The following NFE2L1 variants were observed in gnomAD, a reference collection of about 807,000 sequenced individuals.
NFE2L1 encodes NFE2 like bZIP transcription factor 1.
A neutral mutation model predicts 61.6 loss-of-function variants in NFE2L1; 18 were observed. The ratio of observed to expected loss-of-function variants is 0.29; its 90% CI spans 0.20 to 0.43. The LOEUF (loss-of-function observed/expected upper bound fraction) is 0.43. NFE2L1 is among the 20% of genes least tolerant of loss of function. NFE2L1 has a pLI of 1.00. For synonymous variants in NFE2L1, 419 were observed against 402.7 expected, an observed-to-expected ratio of 1.04 and a Z score of -0.48; for missense variants, 827 against 973.5, an observed-to-expected ratio of 0.85 and a Z score of 2.00.
chr17:48,059,869 C>T lies in NFE2L1; in HGVS notation c.*228C>T. Reference sequence around the variant, plus strand: ...AGACCATTTAGACGGACAGGGTCCTCACCCTACCCCTTTCCTGTGAGGCAG... The same window carrying T: ...AGACCATTTAGACGGACAGGGTCCTTACCCTACCCCTTTCCTGTGAGGCAG... On this transcript the variant is annotated 3_prime_UTR_variant, in exon 6 of 6. Coordinates refer to ENST00000362042, the MANE Select transcript of NFE2L1 (RefSeq NM_003204.3). This position sits in a 1 kb window ranked among gnomAD's most constrained non-coding sequence, Gnocchi z 6.1. 1 of 556,550 alleles carries T rather than the reference C, an allele frequency of 1.8e-6. No homozygotes were observed. Among genetic ancestry groups the T allele is most frequent in the South Asian group, 3.5e-5 (1 of 28,200 alleles). 34.5% of individuals were successfully genotyped at this position (556,550 alleles called of 1,614,324 possible). A position where few individuals can be genotyped will look rare whatever the true frequency, so the allele number is the denominator to read the frequency against.
At position 48,058,899 on chromosome 17, in the gene NFE2L1, A is replaced by G. The variant is rs2037475912; in HGVS notation, c.1577A>G (p.Tyr526Cys). The change falls in exon 6 of 6, where the codon TAC becomes TGC. Residue 526 changes from tyrosine (Y) to cysteine (C), a missense_variant. By Grantham distance (194) the Tyr-to-Cys change is radical. This residue lies in a region of NFE2L1 where 667 missense variants were observed against 748.4 expected (regional missense o/e 0.89). Transcript: ENST00000362042. ...SSFSEEGAVGYSSDSETLDLE... is the reference protein window; with the variant it reads ...SSFSEEGAVGCSSDSETLDLE... ...TTTTCTGAGGAAGGTGCGGTTGGCT[A>G]CAGCTCTGACTCTGAGACCCTGGAT... 1 of 1,613,698 alleles carries G rather than the reference A, an allele frequency of 6.2e-7. No individual in the cohort carries two copies.
intron 2 of NFE2L1, chr17:48,056,084 G>A (rs949311144): frequency 2.0e-5 from 7 of 343,110 alleles, no homozygotes; most frequent in Admixed American, 8.7e-5. Flanking sequence ...GGGGGGAGGC[G>A]GCCCTGCCTT....
Position 48,056,411 on chromosome 17 carries a change from G to T in NFE2L1, c.536G>T (p.Trp179Leu). The T allele has an allele frequency of 6.2e-7, 1 of 1,614,178 alleles. No homozygotes were observed. The highest frequency in any genetic ancestry group is 8.5e-7 in the Non-Finnish European group (1 of 1,180,034). ...KEDIDLIDIL[W>L]RQDIDLGAGR... Reference sequence around the variant, plus strand: ...GACATAGATCTGATTGACATCCTTTGGCGACAGGATATTGATCTGGGGGCT... The same window carrying T: ...GACATAGATCTGATTGACATCCTTTTGCGACAGGATATTGATCTGGGGGCT... Residue 179 changes from tryptophan (W) to leucine (L), a missense_variant, in exon 3 of 6, where the codon TGG becomes TTG. Around this residue, in one of 3 missense-constraint regions of NFE2L1, gnomAD observed 667 missense variants for 748.4 expected, o/e 0.89. Coordinates refer to ENST00000362042, the MANE Select transcript of NFE2L1 (RefSeq NM_003204.3).
chr17:48,058,048 G>C (rs1259902828), intron 5 of NFE2L1, among the ~76,000 whole-genome samples: 1 of 152,176 alleles, frequency 6.6e-6, no homozygotes, highest in Non-Finnish European at 1.5e-5. Flanking sequence ...CTCCAAGATG[G>C]GGGAGTCTGG....
rs2037457837 is a variant in NFE2L1, at chr17:48,058,419, C to T, written c.1097C>T (p.Ala366Val). 4.3e-6 allele frequency: 7 copies of T among 1,614,090 alleles called. No individual in the cohort carries two copies. Among genetic ancestry groups the T allele is most frequent in the Admixed American group, 1.7e-5 (1 of 60,002 alleles). The change falls in exon 6 of 6, where the codon GCG becomes GTG. Residue 366 changes from alanine (A) to valine (V), a missense_variant. Transcript: ENST00000362042. Reference sequence around the variant, plus strand: ...AATCAGAATGTCAGCCTGCATCAGGCGTCCCTGGGGGGCTGCAGCCAGGAC... The same window carrying T: ...AATCAGAATGTCAGCCTGCATCAGGTGTCCCTGGGGGGCTGCAGCCAGGAC... ...PINQNVSLHQ[A>V]SLGGCSQDFL...
Position 48,059,518 on chromosome 17 carries a change from C to T in NFE2L1, c.2196C>T (p.Pro732=), listed in dbSNP as rs1402161208. Residue 732 remains proline, a synonymous_variant, in exon 6 of 6, where the codon CCC becomes CCT. Transcript: ENST00000362042. This position sits in a 1 kb window ranked among gnomAD's most constrained non-coding sequence, Gnocchi z 6.1. ...GGCTGCGAGATGAGAACGGACGACC[C>T]TACTCGCCCAGTCAGTATGCGCTCC... is the stretch of plus-strand genomic sequence containing the variant. ...FGRLRDENGR[P]YSPSQYALQY... is the part of the protein sequence containing the mutation. 6.2e-7 allele frequency: 1 copy of T among 1,613,886 alleles called. No individual in the cohort carries two copies. The highest frequency in any genetic ancestry group is 2.2e-5 in the East Asian group (1 of 44,876).
chr17:48,058,840 T>C lies in NFE2L1; in HGVS notation c.1518T>C (p.Ser506=), dbSNP rs539093913. Residue 506 remains serine (S), a synonymous_variant, in exon 6 of 6, where the codon TCT becomes TCC. Coordinates refer to ENST00000362042, the MANE Select transcript of NFE2L1 (RefSeq NM_003204.3). ...CCTCTTCTTCCTCCTCCTCTTCCTCTTCTTCCTCTGCTTCTTCCTCTGCCT... is the reference window on the plus strand; with the variant it reads ...CCTCTTCTTCCTCCTCCTCTTCCTCCTCTTCCTCTGCTTCTTCCTCTGCCT... ...SSSSSSSSSS[S]SSSASSSASS... 4 of 1,613,580 alleles carry C rather than the reference T, an allele frequency of 2.5e-6. No homozygotes were observed. Among genetic ancestry groups the C allele is most frequent in the African/African-American group, 1.3e-5 (1 of 74,886 alleles).
At chr17:48,054,977 G>C (rs1467588715) in intron 2 of NFE2L1, 1 of 1,486,302 alleles carries the variant, frequency 6.7e-7, no homozygotes, top group Non-Finnish European at 8.9e-7. Context: ...CCCCCTGTCC[G>C]GCTTCCCGGC....
rs1280488032 is a variant in NFE2L1, at chr17:48,059,111, A to G, written c.1789A>G (p.Lys597Glu). Reference sequence around the variant, plus strand: ...CCTGCCACCACCCAGTGCCCTCAAGAAAGGCAGCAAGGAGAAGCAGGCTGA... The same window carrying G: ...CCTGCCACCACCCAGTGCCCTCAAGGAAGGCAGCAAGGAGAAGCAGGCTGA... The part of the protein sequence containing the change: ...ADLPPPSALK[K>E]GSKEKQADFL... Residue 597 changes from lysine (K) to glutamate (E), a missense_variant, in exon 6 of 6, where the codon AAA becomes GAA. By Grantham distance (56) the Lys-to-Glu change is moderately conservative. Transcript: ENST00000362042. This position sits in a 1 kb window ranked among gnomAD's most constrained non-coding sequence, Gnocchi z 6.1. 1.9e-5 allele frequency: 30 copies of G among 1,613,972 alleles called. No homozygotes were observed. The highest frequency in any genetic ancestry group is 2.5e-5 in the Non-Finnish European group (30 of 1,180,030).
At chr17:48,050,485 A>T in intron 1 of NFE2L1, 122 bp from the exon 2 acceptor site, 1 of 394,564 alleles carries the variant, frequency 2.5e-6, no homozygotes, top group Non-Finnish European at 4.5e-6. Context: ...TCTCAAAAAA[A>T]AAAAAAGTGA....
At chr17:48,048,912 A>G (rs1158799454) in intron 1 of NFE2L1, 2 of 152,582 alleles carry the variant, frequency 1.3e-5, no homozygotes, top group East Asian at 1.9e-4. Context: ...CCCTGCACCT[A>G]CTTGATTTTT....
chr17:48,049,695 C>G (rs1222630834), intron 1 of NFE2L1, among the ~76,000 whole-genome samples: 1 of 151,892 alleles, frequency 6.6e-6, no homozygotes, highest in Non-Finnish European at 1.5e-5. Context: ...CCTTTTTTTT[C>G]TTTTGTAAGT....
chr17:48,051,383 G>A lies in NFE2L1; in HGVS notation c.265G>A (p.Ala89Thr). Reference protein sequence around the residue: ...TARRLLSQVRALDRFQVPTTE... With the variant: ...TARRLLSQVRTLDRFQVPTTE... Reference sequence around the variant, plus strand: ...CCGGCGGCTCCTCAGTCAGGTGAGGGCCCTGGACAGGTTCCAGGTGCCAAC... The same window carrying A: ...CCGGCGGCTCCTCAGTCAGGTGAGGACCCTGGACAGGTTCCAGGTGCCAAC... The change falls in exon 2 of 6, where the codon GCC (alanine) becomes ACC (threonine). Residue 89 changes from alanine (A) to threonine (T), a missense_variant. Physicochemically the swap from Ala to Thr is moderately conservative, Grantham distance 58 (BLOSUM62 0). This residue lies in a region of NFE2L1 where 667 missense variants were observed against 748.4 expected (regional missense o/e 0.89). Transcript: ENST00000362042. 1 of 1,614,118 alleles carries A rather than the reference G, an allele frequency of 6.2e-7. No homozygotes were observed. Among genetic ancestry groups the A allele is most frequent in the Non-Finnish European group, 8.5e-7 (1 of 1,180,022 alleles).
In NFE2L1 at chr17:48,050,706, G is replaced by A. The variant is rs1046134794; in HGVS notation, c.-413G>A. 6.6e-6 allele frequency: 3 copies of A among 455,734 alleles called. 1 individual carries two copies. The highest frequency in any genetic ancestry group is 1.2e-4 in the South Asian group (2 of 17,020). 28.2% of individuals were successfully genotyped at this position (455,734 alleles called of 1,614,324 possible). A position where few individuals can be genotyped will look rare whatever the true frequency, so the allele number is the denominator to read the frequency against. ...CAGCCAAAGAAAATAAACCTTAGGA[G>A]GGAGAAGGAAAAAAAAAATCCATCA... On this transcript the variant is annotated 5_prime_UTR_variant, in exon 2 of 6. Coordinates refer to ENST00000362042, the MANE Select transcript of NFE2L1 (RefSeq NM_003204.3).
rs759311250 is a variant in NFE2L1 at position 48,059,538 on chromosome 17, C to T, written c.2216C>T (p.Ala739Val). The T allele has an allele frequency of 7.4e-6, 12 of 1,612,754 alleles. No individual in the cohort carries two copies. Among genetic ancestry groups the T allele is most frequent in the Admixed American group, 5.0e-5 (3 of 59,942 alleles). Reference sequence around the variant, plus strand: ...CGACCCTACTCGCCCAGTCAGTATGCGCTCCAGTACGCCGGGGACGGCAGT... The same window carrying T: ...CGACCCTACTCGCCCAGTCAGTATGTGCTCCAGTACGCCGGGGACGGCAGT... ...NGRPYSPSQYALQYAGDGSVL... is the reference protein window; with the variant it reads ...NGRPYSPSQYVLQYAGDGSVL... Residue 739 changes from alanine (A) to valine (V), a missense_variant, in exon 6 of 6, where the codon GCG (alanine) becomes GTG (valine). Ala to Val is a moderately conservative substitution (Grantham distance 64, BLOSUM62 0). This residue lies in a region of NFE2L1 where 86 missense variants were observed against 97.3 expected (regional missense o/e 0.88). Transcript: ENST00000362042. The surrounding 1 kb of genome is among the most constrained non-coding windows in gnomAD (Gnocchi z 6.1).
At position 48,056,905 on chromosome 17, in the gene NFE2L1, C is replaced by G. The variant is rs1043546360; in HGVS notation, c.724-127C>G. The G allele has an allele frequency of 7.4e-6, 7 of 943,068 alleles. No individual in the cohort carries two copies. In the African/African-American group the frequency reaches 8.3e-5, roughly 11 times the overall value. 58.4% of individuals were successfully genotyped at this position (943,068 alleles called of 1,614,324 possible). A position where few individuals can be genotyped will look rare whatever the true frequency, so the allele number is the denominator to read the frequency against. Reference sequence around the variant, plus strand: ...TTCTGTTGTTTCTGGGAGTTTGGGACTCGGGGCCAGCCATTAGCCTGGGAA... The same window carrying G: ...TTCTGTTGTTTCTGGGAGTTTGGGAGTCGGGGCCAGCCATTAGCCTGGGAA... On this transcript the variant is annotated intron_variant, in intron 3 of 5. Transcript: ENST00000362042.
chr17:48,054,492 G>A, intron 2 of NFE2L1: 1 of 784,578 alleles, frequency 1.3e-6, no homozygotes, highest in East Asian at 3.8e-5. Context: ...ATTGGCTCTC[G>A]GCGCAGCCTA....
Position 48,057,234 on chromosome 17 carries a change from G to A in NFE2L1, c.814-110G>A, listed in dbSNP as rs1482679921. 18 of 1,587,488 alleles carry A rather than the reference G, an allele frequency of 1.1e-5. No individual in the cohort carries two copies. The South Asian group carries it at 1.5e-4, about 13-fold the overall frequency. On this transcript the variant is annotated intron_variant, in intron 4 of 5. Transcript: ENST00000362042. Reference sequence around the variant, plus strand: ...GTTCTGGCCTTATTCTGGCTGCTGGGGGTAAATGCAGAGGAAGGAAGAACA... The same window carrying A: ...GTTCTGGCCTTATTCTGGCTGCTGGAGGTAAATGCAGAGGAAGGAAGAACA...
At chr17:48,055,458 C>T (rs2037376840) in intron 2 of NFE2L1, among the ~76,000 whole-genome samples, 2 of 151,914 alleles carry the variant, frequency 1.3e-5, no homozygotes, top group South Asian at 4.1e-4. Context: ...TCACGAGCCA[C>T]CAGGGTAGAG....
Sources: gnomAD v4.1 joint callset for allele counts (sites outside exome capture counted in the v4.1 genomes callset) on GRCh38, gnomAD v4.1.1 for gene constraint, gnomAD v4.1.1 regional missense constraint, Gnocchi (gnomAD v3.1) non-coding constraint, MANE v1.5 for transcripts, NCBI Gene and HGNC (gene_info 2026-07-23, HGNC 2026-07-21) for gene names.